The following PDE3B variants were observed in gnomAD, a reference collection of about 807,000 sequenced individuals.
PDE3B encodes the protein phosphodiesterase 3B, also known as cGMP-inhibited 3',5'-cyclic phosphodiesterase 3B.
A neutral mutation model predicts 116.8 loss-of-function variants in PDE3B; 66 were observed. That is an observed-to-expected ratio of 0.56 (90% CI 0.46 to 0.69). The LOEUF is 0.69. Ranked by LOEUF, PDE3B falls within the 30% of genes least tolerant of loss-of-function variation. The probability of loss-of-function intolerance (pLI) is 0.00; values close to 1 mark genes in which losing one functional copy is unlikely to be tolerated. For synonymous variants in PDE3B, 595 were observed against 533.6 expected (o/e 1.12, Z -1.59); for missense variants, 1,384 against 1,368.1 (o/e 1.01, Z -0.18).
Position 14,869,727 on chromosome 11 carries a change from C to A in PDE3B, c.*67C>A. On this transcript the variant is annotated 3_prime_UTR_variant, in exon 16 of 16. Transcript: ENST00000282096. ...GAGGGTTGTGCCCAGGGGCAGAAAT[C>A]ATTGCCTAGTGTTCACCGGCTGACT... The A allele has an allele frequency of 7.6e-7, 1 of 1,323,788 alleles. No homozygotes were observed. The highest frequency in any genetic ancestry group is 1.2e-5 in the South Asian group (1 of 81,338). 82.0% of individuals were successfully genotyped at this position (1,323,788 alleles called of 1,614,324 possible). A position where few individuals can be genotyped will look rare whatever the true frequency, so the allele number is the denominator to read the frequency against.
At chr11:14,878,085 A>G in the PDE3B span, 1 of 1,609,014 alleles carries the variant, frequency 6.2e-7, no homozygotes, top group Non-Finnish European at 8.5e-7. Context: ...GATAAGGCAA[A>G]TATACATTCT....
chr11:14,698,314 C>T (rs1855269795), intron 1 of PDE3B, among the ~76,000 whole-genome samples: 1 of 151,698 alleles, frequency 6.6e-6, no homozygotes, highest in African/African-American at 2.4e-5. Context: ...TAGAATTTCT[C>T]TGCTTAATTT....
At chr11:14,878,127 G>A in the PDE3B span, 28 of 1,612,798 alleles carry the variant, frequency 1.7e-5, no homozygotes, top group Non-Finnish European at 2.1e-5. Flanking sequence ...CAGTTTCAGC[G>A]TCTTTCAGCA....
At chr11:14,823,442 G>A (rs1859583552) in intron 7 of PDE3B, among the ~76,000 whole-genome samples, 1 of 152,000 alleles carries the variant, frequency 6.6e-6, no homozygotes, top group African/African-American at 2.4e-5. Flanking sequence ...AACCATTGTT[G>A]CCTTTGGGAT....
At chr11:14,772,716 CA>C (rs1050669206) in intron 2 of PDE3B, 1 of 151,606 alleles carries the variant, frequency 6.6e-6, no homozygotes, top group African/African-American at 2.4e-5. Flanking sequence ...ATGTTTATAT[CA>C]GATAAAATGA....
chr11:14,814,346 A>T (rs1401653504), intron 5 of PDE3B, among the ~76,000 whole-genome samples: 2 of 152,180 alleles, frequency 1.3e-5, no homozygotes, highest in Admixed American at 6.5e-5. Context: ...ACCATTTTGT[A>T]TACATGGAAA....
chr11:14,718,044 C>T (rs2133837585), intron 1 of PDE3B, among the ~76,000 whole-genome samples: 1 of 150,614 alleles, frequency 6.6e-6, no homozygotes, highest in South Asian at 2.1e-4. Flanking sequence ...TGCAGAGACA[C>T]ACATAGGCTG....
chr11:14,799,161 C>G (rs566694791), intron 4 of PDE3B, among the ~76,000 whole-genome samples: 1 of 152,278 alleles, frequency 6.6e-6, no homozygotes, highest in South Asian at 2.1e-4. Context: ...CATAAAACAT[C>G]TTTATTTCTG....
chr11:14,884,886 A>C, the PDE3B span, among the ~76,000 whole-genome samples: 1 of 152,020 alleles, frequency 6.6e-6, no homozygotes, highest in Non-Finnish European at 1.5e-5. Flanking sequence ...GGTCTATTAT[A>C]ATTGTGGCTG....
the PDE3B span, chr11:14,892,280 A>C: frequency 7.3e-6 from 10 of 1,367,376 alleles, no homozygotes; most frequent in Non-Finnish European, 9.1e-6. Context: ...CCATACTCCC[A>C]TTGGCAGGAT....
intron 1 of PDE3B, among the ~76,000 whole-genome samples, chr11:14,741,473 C>G (rs575464861): frequency 1.3e-4 from 19 of 151,830 alleles, no homozygotes; most frequent in African/African-American, 4.6e-4. Context: ...TTTTTTTGAG[C>G]CTATGTGTTT....
In PDE3B at chr11:14,660,473, T is replaced by A. The variant is rs567313306; in HGVS notation, c.978+15420T>A. On this transcript the variant is annotated intron_variant, in intron 1 of 15. Transcript: ENST00000282096. Reference sequence around the variant, plus strand: ...CGTGCCACCATTCCTGGCTATTTTTTTTTTGTATTTTGTAGAGATGAGGTT... The same window carrying A: ...CGTGCCACCATTCCTGGCTATTTTTATTTTGTATTTTGTAGAGATGAGGTT... Among the ~76,000 whole-genome samples, 79 of 151,940 alleles carry A rather than the reference T, an allele frequency of 5.2e-4. 1 individual carries two copies. The highest frequency in any genetic ancestry group is 1.9e-3 in the African/African-American group (78 of 41,424).
chr11:14,806,268 G>A (rs564524068), intron 5 of PDE3B, among the ~76,000 whole-genome samples: 4 of 145,864 alleles, frequency 2.7e-5, no homozygotes, highest in South Asian at 2.2e-4. Context: ...GTGAAACCCC[G>A]TCTCTACTAA....
rs202111444 is a variant in PDE3B at position 14,714,610 on chromosome 11, A to G, written c.979-57327A>G. On this transcript the variant is annotated intron_variant, in intron 1 of 15. Transcript: ENST00000282096. Reference sequence around the variant, plus strand: ...TTTAATTGCTTATTTTACATATTTGACCATCCATTTCCTGGGATGACTGAT... The same window carrying G: ...TTTAATTGCTTATTTTACATATTTGGCCATCCATTTCCTGGGATGACTGAT... Among the ~76,000 whole-genome samples, 6 of 151,576 alleles carry G rather than the reference A, an allele frequency of 4.0e-5. No homozygotes were observed. The East Asian group carries it at 1.2e-3, about 29-fold the overall frequency.
chr11:14,857,709 G>A (rs1378488440), intron 12 of PDE3B, among the ~76,000 whole-genome samples: 3 of 152,030 alleles, frequency 2.0e-5, no homozygotes, highest in African/African-American at 4.8e-5. Flanking sequence ...AAAGAATTCC[G>A]AACTTGCTCA....
intron 1 of PDE3B, among the ~76,000 whole-genome samples, chr11:14,740,317 G>C (rs1242681678): frequency 6.6e-6 from 1 of 152,044 alleles, no homozygotes; most frequent in Non-Finnish European, 1.5e-5. Flanking sequence ...ACTTCTTCCT[G>C]GTTTAGACTT....
At chr11:14,792,200 A>T (rs946752313) in intron 4 of PDE3B, among the ~76,000 whole-genome samples, 1 of 152,142 alleles carries the variant, frequency 6.6e-6, no homozygotes, top group Admixed American at 6.6e-5. Flanking sequence ...AAATGAACTA[A>T]CACAGATGAG....
chr11:14,800,396 C>T (rs1276712138), intron 4 of PDE3B, among the ~76,000 whole-genome samples: 3 of 151,992 alleles, frequency 2.0e-5, no homozygotes, highest in African/African-American at 2.4e-5. Context: ...ACCTGGGAGG[C>T]GGAGGTGGCA....
At position 14,702,434 on chromosome 11, in the gene PDE3B, A is replaced by G. The variant is rs146888174; in HGVS notation, c.978+57381A>G. 5.9e-3 allele frequency among the ~76,000 whole-genome samples: 898 copies of G among 151,904 alleles called. 8 individuals carry two copies. The highest frequency in any genetic ancestry group is 5.7e-3 in the Non-Finnish European group (387 of 67,826). On this transcript the variant is annotated intron_variant, in intron 1 of 15. Transcript: ENST00000282096. Reference sequence around the variant, plus strand: ...GCAAAAGCAGAATCTAAAATACCCTATCTTTGGTTTATTTGGAAGGTGATT... The same window carrying G: ...GCAAAAGCAGAATCTAAAATACCCTGTCTTTGGTTTATTTGGAAGGTGATT...
Sources: allele counts gnomAD v4.1 joint callset (sites outside exome capture counted in the v4.1 genomes callset), GRCh38; gene constraint gnomAD v4.1.1; transcripts MANE v1.5; gene names NCBI Gene and HGNC (gene_info 2026-07-23, HGNC 2026-07-21).